The following CSMD3 variants were observed in gnomAD, a reference collection of about 807,000 sequenced individuals.
CSMD3 encodes CUB and sushi domain-containing protein 3.
CSMD3 carries 177 observed loss-of-function variants against 435.2 expected under a neutral mutation model. The observed-to-expected ratio is 0.41, with a 90% confidence interval of 0.36 to 0.46. The LOEUF (loss-of-function observed/expected upper bound fraction) is 0.46. Ranked by LOEUF, CSMD3 falls within the 20% of genes least tolerant of loss-of-function variation. The pLI is 0.34. For missense variants in CSMD3, 4,265 were observed against 4,504.6 expected (o/e 0.95, Z 1.52); for synonymous variants, 1,656 against 1,520.5 (o/e 1.09, Z -2.07).
At chr8:113,092,998 A>C (rs777586286) in intron 5 of CSMD3, among the ~76,000 whole-genome samples, 2 of 152,134 alleles carry the variant, frequency 1.3e-5, no homozygotes, top group Non-Finnish European at 2.9e-5. Context: ...AAACATGTAA[A>C]AGCAGATTAT....
chr8:112,270,637 C>A (rs1001622543), intron 59 of CSMD3, among the ~76,000 whole-genome samples: 2 of 152,002 alleles, frequency 1.3e-5, no homozygotes, highest in African/African-American at 4.8e-5. Context: ...TTTTTATTAA[C>A]TGAATCTATA....
intron 41 of CSMD3, among the ~76,000 whole-genome samples, chr8:112,343,694 G>A (rs903526886): frequency 6.6e-6 from 1 of 152,014 alleles, no homozygotes; most frequent in Non-Finnish European, 1.5e-5. Context: ...GGGTGGCCCA[G>A]CTGCTCAGTG....
chr8:112,861,950 C>T lies in CSMD3; in HGVS notation c.1634-2684G>A, dbSNP rs1321559510. Among the ~76,000 whole-genome samples, 3 of 151,912 alleles carry T rather than the reference C, an allele frequency of 2.0e-5. 1 individual carries two copies. Among genetic ancestry groups the T allele is most frequent in the South Asian group, 4.1e-4 (2 of 4,828 alleles). Reference sequence around the variant, plus strand: ...TGTTAACTCATAGTACAATGGCTTTCATGATGTAGGTACGTTTGCTAAAGA... The same window carrying T: ...TGTTAACTCATAGTACAATGGCTTTTATGATGTAGGTACGTTTGCTAAAGA... On this transcript the variant is annotated intron_variant, in intron 10 of 70. Coordinates refer to ENST00000297405, the MANE Select transcript of CSMD3 (RefSeq NM_198123.2).
rs1167280059 is a variant in CSMD3 at position 113,314,477 on chromosome 8, A to G, written c.401+94T>C. 2.1e-5 allele frequency: 16 copies of G among 760,872 alleles called. No homozygotes were observed. The Admixed American group carries it at 3.3e-4, about 16-fold the overall frequency. 47.1% of individuals were successfully genotyped at this position (760,872 alleles called of 1,614,324 possible). On this transcript the variant is annotated intron_variant, in intron 2 of 70. Coordinates refer to ENST00000297405, the MANE Select transcript of CSMD3 (RefSeq NM_198123.2). ...TAGATGGTGAATACAACTTTATTAT[A>G]ATTGCATCACAAATGTTAAGCATCT... is the stretch of plus-strand genomic sequence containing the variant.
At chr8:113,220,415 G>A (rs1257671646) in intron 3 of CSMD3, among the ~76,000 whole-genome samples, 1 of 151,288 alleles carries the variant, frequency 6.6e-6, no homozygotes, top group Non-Finnish European at 1.5e-5. Context: ...GAGCTTGAAT[G>A]GGAACCCACT....
chr8:112,478,855 C>T (rs1053253889), intron 31 of CSMD3, among the ~76,000 whole-genome samples: 2 of 152,114 alleles, frequency 1.3e-5, no homozygotes, highest in Admixed American at 6.5e-5. Context: ...TTTACCCAAT[C>T]GAATGCTGCC....
intron 1 of CSMD3, among the ~76,000 whole-genome samples, chr8:113,410,741 GAAA>G (rs34022107): frequency 0.046 from 6,599 of 142,844 alleles, 424 homozygotes; most frequent in African/African-American, 0.14. Context: ...ATCTGTACTG[GAAA>G]AAAAAAAAAA....
intron 13 of CSMD3, among the ~76,000 whole-genome samples, chr8:112,795,158 A>G (rs902250436): frequency 1.3e-5 from 2 of 152,114 alleles, no homozygotes; most frequent in African/African-American, 4.8e-5. Context: ...ATATTCTAAA[A>G]CTCAAATTTT....
chr8:113,288,560 T>A (rs1350544398), intron 2 of CSMD3, among the ~76,000 whole-genome samples: 1 of 151,870 alleles, frequency 6.6e-6, no homozygotes, highest in African/African-American at 2.4e-5. Flanking sequence ...TATACATGAC[T>A]GTAATTCCAA....
intron 24 of CSMD3, among the ~76,000 whole-genome samples, chr8:112,572,991 T>C (rs1829658386): frequency 6.6e-6 from 1 of 151,898 alleles, no homozygotes; most frequent in Non-Finnish European, 1.5e-5. Context: ...TTTAACATAA[T>C]GAGATAATAG....
intron 28 of CSMD3, among the ~76,000 whole-genome samples, chr8:112,514,655 G>T (rs1166067168): frequency 6.6e-6 from 1 of 151,938 alleles, no homozygotes; most frequent in Non-Finnish European, 1.5e-5. Flanking sequence ...TGTCAATTTT[G>T]TTGGAATGAA....
intron 4 of CSMD3, among the ~76,000 whole-genome samples, chr8:113,110,403 A>G (rs1455095686): frequency 1.3e-5 from 2 of 152,156 alleles, no homozygotes; most frequent in Non-Finnish European, 1.5e-5. Flanking sequence ...AATATCCTAC[A>G]TCATTAACCA....
chr8:112,622,748 T>C (rs1198708634), intron 22 of CSMD3, among the ~76,000 whole-genome samples: 2 of 152,152 alleles, frequency 1.3e-5, no homozygotes, highest in Non-Finnish European at 2.9e-5. Context: ...ATCTCATTGG[T>C]CTCATTTGTA....
chr8:112,251,858 T>A (rs1815293464), intron 63 of CSMD3, among the ~76,000 whole-genome samples: 1 of 151,904 alleles, frequency 6.6e-6, no homozygotes, highest in Admixed American at 6.6e-5. Context: ...TGATGTTGCA[T>A]CAATTATTTT....
intron 12 of CSMD3, among the ~76,000 whole-genome samples, chr8:112,801,598 C>T (rs530038551): frequency 6.6e-6 from 1 of 152,064 alleles, no homozygotes; most frequent in Non-Finnish European, 1.5e-5. Flanking sequence ...CAAACTCACA[C>T]ATATATATTG....
intron 5 of CSMD3, among the ~76,000 whole-genome samples, chr8:113,095,309 C>A (rs768504898): frequency 6.6e-6 from 1 of 152,048 alleles, no homozygotes; most frequent in Non-Finnish European, 1.5e-5. Context: ...AAACTCTTCC[C>A]TTGCTCCTAC....
chr8:113,296,802 T>C (rs1235899799), intron 2 of CSMD3, among the ~76,000 whole-genome samples: 2 of 152,164 alleles, frequency 1.3e-5, no homozygotes, highest in East Asian at 1.9e-4. Flanking sequence ...CCAGCCAACA[T>C]TGTCTCTAAT....
chr8:112,488,414 T>C (rs1326506174), intron 31 of CSMD3, among the ~76,000 whole-genome samples: 2 of 152,178 alleles, frequency 1.3e-5, no homozygotes, highest in East Asian at 3.9e-4. Context: ...CGAAATGTAG[T>C]TGTGTTCTAA....
chr8:112,696,423 C>T (rs1312487152), intron 13 of CSMD3, among the ~76,000 whole-genome samples: 2 of 152,032 alleles, frequency 1.3e-5, no homozygotes, highest in Non-Finnish European at 2.9e-5. Flanking sequence ...TAATACCACA[C>T]ATCTACAACC....
Sources: allele counts gnomAD v4.1 joint callset (sites outside exome capture counted in the v4.1 genomes callset), GRCh38; gene constraint gnomAD v4.1.1; transcripts MANE v1.5; gene names NCBI Gene and HGNC (gene_info 2026-07-23, HGNC 2026-07-21).